Variants in SYNJ2 observed in about 807,000 individuals in gnomAD.
SYNJ2 encodes the protein polyphosphatidylinositol phosphatase SYNJ2.
A neutral mutation model predicts 141.3 loss-of-function variants in SYNJ2; 116 were observed. The ratio of observed to expected loss-of-function variants is 0.82; its 90% CI spans 0.71 to 0.96. The LOEUF is 0.96. Among genes scored for constraint, SYNJ2 ranks in the 40% least tolerant of loss-of-function variants. SYNJ2 has a pLI of 0.00. For missense variants in SYNJ2, 1,873 were observed against 1,934.8 expected (o/e 0.97, Z 0.60); for synonymous variants, 745 against 777.7 (o/e 0.96, Z 0.70).
intron 1 of SYNJ2, among the ~76,000 whole-genome samples, chr6:157,987,775 T>C (rs778329783): frequency 1.3e-5 from 2 of 152,232 alleles, no homozygotes; most frequent in Non-Finnish European, 2.9e-5. Flanking sequence ...TTATTAACTA[T>C]AGTTACCATG....
At chr6:158,049,203 G>C (rs1024061837) in intron 5 of SYNJ2, among the ~76,000 whole-genome samples, 2 of 152,136 alleles carry the variant, frequency 1.3e-5, no homozygotes, top group Non-Finnish European at 2.9e-5. Flanking sequence ...GACTTTAGGG[G>C]CCAGATAAGA....
rs78693252 is a variant in SYNJ2 at position 158,061,312 on chromosome 6, G to A, written c.955-680G>A. Among the ~76,000 whole-genome samples the A allele has an allele frequency of 9.7e-3, 1,472 of 152,298 alleles. 17 individuals are homozygous for A. Among genetic ancestry groups the A allele is most frequent in the Middle Eastern group, 0.02 (6 of 294 alleles). ...AGGCGGACAGTTTGTCCTTCATCACGGGGCTCTCTGGGGAGAAAGCCAGGG... is the reference window on the plus strand; with the variant it reads ...AGGCGGACAGTTTGTCCTTCATCACAGGGCTCTCTGGGGAGAAAGCCAGGG... On this transcript the variant is annotated intron_variant, in intron 7 of 26. Transcript: ENST00000355585.
intron 24 of SYNJ2, among the ~76,000 whole-genome samples, chr6:158,089,418 G>C (rs1013648781): frequency 1.3e-5 from 2 of 152,116 alleles, no homozygotes; most frequent in African/African-American, 4.8e-5. Context: ...GGAGGCCAGT[G>C]TTTTACAGTA....
rs147257257 is a variant in SYNJ2, at chr6:158,096,025, C to T, written c.4152C>T (p.Leu1384=). 10 of 1,614,136 alleles carry T rather than the reference C, an allele frequency of 6.2e-6. No homozygotes were observed. The highest frequency in any genetic ancestry group is 1.3e-5 in the African/African-American group (1 of 74,954). The stretch of plus-strand genomic sequence containing the variant: ...CCGTCTTCCCACAAGGGGACTTTCT[C>T]AGCACTTCATCTGCTACAAGCCCCG... ...AGTVFPQGDF[L]STSSATSPDS... Residue 1384 remains leucine (L), a synonymous_variant, in exon 27 of 27, where the codon CTC becomes CTT. Coordinates refer to ENST00000355585, the MANE Select transcript of SYNJ2 (RefSeq NM_003898.4).
rs1208214353 is a variant in SYNJ2 at position 158,043,070 on chromosome 6, C to G, written c.712-246C>G. ...CCTAGAAGTGTGAATTCCCGGAGACCCTGGGAGGCCCCAACCCCCAGCAGA... is the reference window on the plus strand; with the variant it reads ...CCTAGAAGTGTGAATTCCCGGAGACGCTGGGAGGCCCCAACCCCCAGCAGA... On this transcript the variant is annotated intron_variant, in intron 4 of 26. Coordinates refer to ENST00000355585, the MANE Select transcript of SYNJ2 (RefSeq NM_003898.4). This position sits in a 1 kb window ranked among gnomAD's most constrained non-coding sequence, Gnocchi z 4.0. Among the ~76,000 whole-genome samples the G allele has an allele frequency of 6.6e-6, 1 of 152,058 alleles. No individual in the cohort carries two copies. The highest frequency in any genetic ancestry group is 1.5e-5 in the Non-Finnish European group (1 of 68,002).
intron 18 of SYNJ2, among the ~76,000 whole-genome samples, chr6:158,080,489 A>T (rs1010735567): frequency 2.1e-4 from 31 of 150,318 alleles, no homozygotes; most frequent in African/African-American, 7.3e-4. Context: ...TAAAAAAAAA[A>T]AAAAAAACGA....
chr6:158,083,614 G>A lies in SYNJ2; in HGVS notation c.3034+17G>A. On this transcript the variant is annotated intron_variant, in intron 21 of 26. Coordinates refer to ENST00000355585, the MANE Select transcript of SYNJ2 (RefSeq NM_003898.4). The stretch of plus-strand genomic sequence containing the variant: ...AGTCAGAAGGTTAGTGACCCTGCAG[G>A]GAGGGACAGGCAAGCCGTTCTTCTA... 3 of 1,613,586 alleles carry A rather than the reference G, an allele frequency of 1.9e-6. No individual in the cohort carries two copies. The highest frequency in any genetic ancestry group is 2.5e-6 in the Non-Finnish European group (3 of 1,179,768).
At chr6:158,075,405 C>T (rs1205076061) in intron 16 of SYNJ2, among the ~76,000 whole-genome samples, 4 of 151,826 alleles carry the variant, frequency 2.6e-5, no homozygotes, top group Non-Finnish European at 5.9e-5. Flanking sequence ...CTTTGGGAGG[C>T]CGAGGCGTGC....
At chr6:158,003,021 G>A (rs145313150) in intron 1 of SYNJ2, among the ~76,000 whole-genome samples, 18 of 152,362 alleles carry the variant, frequency 1.2e-4, no homozygotes, top group Non-Finnish European at 4.4e-5. Context: ...TGCAGGGAGG[G>A]GTGTGGAAAG....
intron 2 of SYNJ2, among the ~76,000 whole-genome samples, chr6:158,025,110 G>A (rs1291808893): frequency 1.3e-5 from 2 of 152,178 alleles, no homozygotes; most frequent in Non-Finnish European, 1.5e-5. Flanking sequence ...CTGGAAGTCC[G>A]AGACCAGCGG....
Position 158,049,768 on chromosome 6 carries a change from G to A in SYNJ2, c.796-5199G>A, listed in dbSNP as rs1166876278. Among the ~76,000 whole-genome samples, 6 of 151,880 alleles carry A rather than the reference G, an allele frequency of 4.0e-5. No homozygotes were observed. The East Asian group carries it at 9.6e-4, about 24-fold the overall frequency. On this transcript the variant is annotated intron_variant, in intron 5 of 26. Coordinates refer to ENST00000355585, the MANE Select transcript of SYNJ2 (RefSeq NM_003898.4). ...GGTGGGGACACGGCTCTGCAGGTGG[G>A]GACATGGCTCTGCAGGTATGCACGT...
At chr6:158,058,425 T>G (rs1250908788) in intron 6 of SYNJ2, among the ~76,000 whole-genome samples, 1 of 152,352 alleles carries the variant, frequency 6.6e-6, no homozygotes, top group East Asian at 1.9e-4. Context: ...CATACATATT[T>G]AGAAAGTAGC....
chr6:158,075,629 A>G (rs557364539), intron 16 of SYNJ2, among the ~76,000 whole-genome samples: 2 of 151,620 alleles, frequency 1.3e-5, no homozygotes, highest in Non-Finnish European at 2.9e-5. Context: ...CAACGAGCAA[A>G]ACTCCGTCTC....
At chr6:158,080,370 G>A (rs758213759) in intron 18 of SYNJ2, among the ~76,000 whole-genome samples, 5 of 151,960 alleles carry the variant, frequency 3.3e-5, no homozygotes, top group Admixed American at 6.5e-5. Context: ...AGCTACTTGG[G>A]AAGCTGAGGC....
chr6:158,059,565 TTTTTTTAA>T, intron 7 of SYNJ2: 1 of 817,800 alleles, frequency 1.2e-6, no homozygotes, highest in East Asian at 6.6e-5. Flanking sequence ...TCTTTTTTTT[TTTTTTTAA>T]GACAGAGTTT....
At chr6:158,055,239 T>C (rs559726071) in intron 6 of SYNJ2, among the ~76,000 whole-genome samples, 1 of 152,360 alleles carries the variant, frequency 6.6e-6, no homozygotes, top group South Asian at 2.1e-4. Context: ...AATTAATGAA[T>C]GTTCAGGTAG....
rs138023265 is a variant in SYNJ2 at position 158,014,141 on chromosome 6, C to T, written c.128-3063C>T. ...TACATTTCATAAGATATTCAACACT[C>T]TTTCAGAAAGTAGGCTTTGTATTTC... On this transcript the variant is annotated intron_variant, in intron 1 of 26. Coordinates refer to ENST00000355585, the MANE Select transcript of SYNJ2 (RefSeq NM_003898.4). Among the ~76,000 whole-genome samples, 427 of 152,332 alleles carry T rather than the reference C, an allele frequency of 2.8e-3. 2 individuals are homozygous for T. Among genetic ancestry groups the T allele is most frequent in the African/African-American group, 9.8e-3 (408 of 41,572 alleles).
rs537434299 is a variant in SYNJ2 at position 157,986,193 on chromosome 6, GC to G, written c.127+4109del. 2.1e-3 allele frequency among the ~76,000 whole-genome samples: 325 copies of G among 152,354 alleles called. 2 individuals carry two copies. Among genetic ancestry groups the G allele is most frequent in the South Asian group, 6.8e-3 (33 of 4,830 alleles). ...GGTAGGACCAGGCAAGGGTTCCGGG[GC>G]CCCTGACGTGGGAAACTAGAGCAGC... is the stretch of plus-strand genomic sequence containing the variant. On this transcript the variant is annotated intron_variant, in intron 1 of 26. Transcript: ENST00000355585.
chr6:158,038,467 T>C (rs570324316), intron 4 of SYNJ2, among the ~76,000 whole-genome samples: 6 of 152,080 alleles, frequency 3.9e-5, no homozygotes, highest in African/African-American at 1.4e-4. Context: ...CCCAGGAAGG[T>C]GGCCCTACAC....
Sources: allele counts gnomAD v4.1 joint callset (sites outside exome capture counted in the v4.1 genomes callset), GRCh38; gene constraint gnomAD v4.1.1; non-coding constraint Gnocchi (gnomAD v3.1); transcripts MANE v1.5; gene names NCBI Gene and HGNC (gene_info 2026-07-23, HGNC 2026-07-21).